The following EXOC4 variants were observed in gnomAD, a reference collection of about 807,000 sequenced individuals.
EXOC4 encodes SEC8-like 1.
A neutral mutation model predicts 107.2 loss-of-function variants in EXOC4; 71 were observed. The ratio of observed to expected loss-of-function variants is 0.66; its 90% confidence interval spans 0.55 to 0.81. The LOEUF is 0.81. Ranked by LOEUF, EXOC4 falls within the 30% of genes least tolerant of loss-of-function variation. The pLI is 0.00. For synonymous variants in EXOC4, 456 were observed against 441.2 expected, an observed-to-expected ratio of 1.03 and a Z score of -0.42; for missense variants, 1,108 against 1,189.6, an observed-to-expected ratio of 0.93 and a Z score of 1.01.
chr7:134,006,525 C>T (rs1794646422), intron 16 of EXOC4, among the ~76,000 whole-genome samples: 1 of 152,126 alleles, frequency 6.6e-6, no homozygotes, highest in Non-Finnish European at 1.5e-5. Flanking sequence ...TGAAGCAAGA[C>T]CTGAATGCAT....
At chr7:133,388,332 A>T (rs995278596) in intron 7 of EXOC4, among the ~76,000 whole-genome samples, 3 of 152,164 alleles carry the variant, frequency 2.0e-5, no homozygotes, top group Admixed American at 6.6e-5. Flanking sequence ...TCTCTAAAAA[A>T]TAAGAACTCT....
intron 5 of EXOC4, among the ~76,000 whole-genome samples, chr7:133,335,506 T>C (rs971399709): frequency 6.6e-6 from 1 of 152,216 alleles, no homozygotes; most frequent in Non-Finnish European, 1.5e-5. Context: ...TTTCAGCATT[T>C]GTCCATGTTG....
intron 9 of EXOC4, among the ~76,000 whole-genome samples, chr7:133,512,612 C>G (rs1285943538): frequency 6.6e-6 from 1 of 151,968 alleles, no homozygotes; most frequent in Admixed American, 6.6e-5. Context: ...TCAATGCGCA[C>G]AAGAAATTGA....
chr7:133,592,643 G>A (rs374096506), intron 9 of EXOC4, among the ~76,000 whole-genome samples: 3 of 151,882 alleles, frequency 2.0e-5, no homozygotes, highest in Non-Finnish European at 2.9e-5. Context: ...TCACTCTGTC[G>A]CTAGGCTGGA....
In EXOC4 at chr7:133,876,051, G is replaced by A. The variant is rs555943058; in HGVS notation, c.1735-19548G>A. Among the ~76,000 whole-genome samples the A allele has an allele frequency of 1.2e-4, 19 of 152,272 alleles. No individual in the cohort carries two copies. The South Asian group carries it at 3.9e-3, about 32-fold the overall frequency. On this transcript the variant is annotated intron_variant, in intron 11 of 17. Coordinates refer to ENST00000253861, the MANE Select transcript of EXOC4 (RefSeq NM_021807.4). ...GTAGGTGATCAATAAATATTGGATGGATTCACAGATAGGTAGGTAGGCATA... is the reference window on the plus strand; with the variant it reads ...GTAGGTGATCAATAAATATTGGATGAATTCACAGATAGGTAGGTAGGCATA...
At chr7:133,817,730 C>G (rs1797407765) in intron 11 of EXOC4, among the ~76,000 whole-genome samples, 186 bp downstream of exon 11, 2 of 151,030 alleles carry the variant, frequency 1.3e-5, no homozygotes, top group Admixed American at 1.3e-4. Flanking sequence ...TCCTTAAGAT[C>G]TTTAAGGAAA....
intron 16 of EXOC4, among the ~76,000 whole-genome samples, chr7:134,007,306 T>C (rs895424477): frequency 2.0e-5 from 3 of 152,298 alleles, no homozygotes; most frequent in Non-Finnish European, 4.4e-5. Flanking sequence ...ATGCCTGTGG[T>C]CTTCTCTGCT....
At position 133,842,395 on chromosome 7, in the gene EXOC4, G is replaced by C. The variant is rs183120981; in HGVS notation, c.1734+24851G>C. Among the ~76,000 whole-genome samples the C allele has an allele frequency of 2.3e-3, 344 of 152,256 alleles. 3 individuals carry two copies. The highest frequency in any genetic ancestry group is 0.014 in the Middle Eastern group (4 of 294). ...TGATTTTGATTTGCTTTTCTTTAATGATCAGTTGTGCTTAGCATTTTTTCA... is the reference window on the plus strand; with the variant it reads ...TGATTTTGATTTGCTTTTCTTTAATCATCAGTTGTGCTTAGCATTTTTTCA... On this transcript the variant is annotated intron_variant, in intron 11 of 17. Transcript: ENST00000253861.
rs75719045 is a variant in EXOC4, at chr7:133,413,450, C to T, written c.1182+38448C>T. Among the ~76,000 whole-genome samples, 282 of 152,168 alleles carry T rather than the reference C, an allele frequency of 1.9e-3. 2 individuals carry two copies. The highest frequency in any genetic ancestry group is 6.4e-3 in the African/African-American group (264 of 41,520). On this transcript the variant is annotated intron_variant, in intron 7 of 17. Transcript: ENST00000253861. ...TATAGATGGTCTTTCTTTAGTCTTC[C>T]GTAGCTGAATCCCCTTTCATAGACT...
chr7:133,326,052 TTC>T (rs1213645342), intron 5 of EXOC4, among the ~76,000 whole-genome samples: 4 of 152,252 alleles, frequency 2.6e-5, no homozygotes, highest in African/African-American at 9.6e-5. Flanking sequence ...CGCCATGTTT[TTC>T]AGCTCCATCA....
chr7:134,050,674 A>G (rs1795764046), intron 17 of EXOC4, among the ~76,000 whole-genome samples: 2 of 152,186 alleles, frequency 1.3e-5, no homozygotes, highest in African/African-American at 4.8e-5. Context: ...TTCAGGGGAC[A>G]GTGAGTAGCT....
intron 10 of EXOC4, among the ~76,000 whole-genome samples, chr7:133,675,537 A>G (rs1000406363): frequency 3.9e-5 from 6 of 152,212 alleles, no homozygotes; most frequent in South Asian, 2.1e-4. Flanking sequence ...TAGAAACAGT[A>G]TAGGCCATAG....
At chr7:133,715,589 C>T (rs1794983780) in intron 10 of EXOC4, among the ~76,000 whole-genome samples, 1 of 152,006 alleles carries the variant, frequency 6.6e-6, no homozygotes, top group Admixed American at 6.6e-5. Flanking sequence ...TATAAAAACC[C>T]TTATATTTTG....
chr7:133,640,868 C>G (rs1251051169), intron 10 of EXOC4, among the ~76,000 whole-genome samples: 1 of 104,492 alleles, frequency 9.6e-6, no homozygotes, highest in South Asian at 4.3e-4. Context: ...TTCTCTCTCT[C>G]TCTCTTTTTT....
At chr7:133,866,921 C>A (rs1261595562) in intron 11 of EXOC4, among the ~76,000 whole-genome samples, 1 of 152,178 alleles carries the variant, frequency 6.6e-6, no homozygotes, top group Admixed American at 6.5e-5. Flanking sequence ...AATGCGCATG[C>A]CCTCTCTCCT....
chr7:133,475,599 A>G, intron 8 of EXOC4, 126 bp downstream of exon 8: 2 of 808,684 alleles, frequency 2.5e-6, no homozygotes, highest in Non-Finnish European at 3.8e-6. Context: ...GAGGAAGTGA[A>G]TATATGTTGA....
intron 10 of EXOC4, among the ~76,000 whole-genome samples, chr7:133,632,350 C>G (rs1802611399): frequency 6.6e-6 from 1 of 152,084 alleles, no homozygotes; most frequent in Non-Finnish European, 1.5e-5. Flanking sequence ...TTCATTCTTT[C>G]TCTGTGTATC....
chr7:133,268,182 A>T (rs909504187), intron 1 of EXOC4, among the ~76,000 whole-genome samples: 7 of 152,190 alleles, frequency 4.6e-5, no homozygotes, highest in Non-Finnish European at 1.0e-4. Flanking sequence ...AGACCCAGAA[A>T]AGTTAAGTCA....
At chr7:133,998,950 A>G (rs1354093944) in intron 15 of EXOC4, among the ~76,000 whole-genome samples, 1 of 152,098 alleles carries the variant, frequency 6.6e-6, no homozygotes. Context: ...GGCTGGTGCA[A>G]TAAGAGGAAA....
Sources: allele counts gnomAD v4.1 joint callset (sites outside exome capture counted in the v4.1 genomes callset), GRCh38; gene constraint gnomAD v4.1.1; transcripts MANE v1.5; gene names NCBI Gene and HGNC (gene_info 2026-07-23, HGNC 2026-07-21).